Variants in GRIK4 observed in about 807,000 individuals in gnomAD.
GRIK4 encodes the protein glutamate receptor ionotropic, kainate 4.
A neutral mutation model predicts 104.9 loss-of-function variants in GRIK4; 40 were observed. The ratio of observed to expected loss-of-function variants is 0.38; its 90% CI spans 0.30 to 0.50. The LOEUF (loss-of-function observed/expected upper bound fraction) is 0.50, where lower values mean the gene tolerates loss of function less well. Ranked by LOEUF, GRIK4 falls within the 20% of genes least tolerant of loss-of-function variation. The pLI is 0.93. For synonymous variants in GRIK4, 485 were observed against 524.9 expected, an observed-to-expected ratio of 0.92 and a Z score of 1.04; for missense variants, 1,047 against 1,308.1, an observed-to-expected ratio of 0.80 and a Z score of 3.08.
rs1955072213 is a variant in GRIK4 at position 120,884,830 on chromosome 11, T to C, written c.1164+9587T>C. Among the ~76,000 whole-genome samples, 3 of 152,388 alleles carry C rather than the reference T, an allele frequency of 2.0e-5. 1 individual carries two copies. In the South Asian group the frequency reaches 6.2e-4, roughly 32 times the overall value. On this transcript the variant is annotated intron_variant, in intron 11 of 20. Transcript: ENST00000527524. ...TGCTAGCTGCCTGCTGTGAGCCAGC[T>C]TCCAGCTAGGGGCAGAGCCGGGCCA...
intron 1 of GRIK4, among the ~76,000 whole-genome samples, chr11:120,634,926 C>T (rs77775173): frequency 0.032 from 4,924 of 152,272 alleles, 153 homozygotes; most frequent in African/African-American, 0.081. Context: ...AAGCGAGATG[C>T]GAACGTCCCC....
chr11:120,719,775 G>A (rs1265990858), intron 3 of GRIK4, among the ~76,000 whole-genome samples: 1 of 152,130 alleles, frequency 6.6e-6, no homozygotes, highest in Non-Finnish European at 1.5e-5. Context: ...AAAATAGAAA[G>A]CTAAGCAACA....
chr11:120,604,252 C>T (rs540191066), intron 1 of GRIK4, among the ~76,000 whole-genome samples: 1 of 151,600 alleles, frequency 6.6e-6, no homozygotes, highest in East Asian at 1.9e-4. Context: ...GTGCACAGGG[C>T]AGCCCTGCCA....
intron 11 of GRIK4, among the ~76,000 whole-genome samples, chr11:120,879,140 G>A (rs1384932419): frequency 6.6e-6 from 1 of 152,206 alleles, no homozygotes; most frequent in Admixed American, 6.5e-5. Flanking sequence ...AGACAGAGCT[G>A]GAATTTATGC....
chr11:120,841,612 A>G (rs547223034), intron 8 of GRIK4, among the ~76,000 whole-genome samples: 5 of 152,130 alleles, frequency 3.3e-5, no homozygotes, highest in South Asian at 2.1e-4. Context: ...CCTGCTTTCA[A>G]TCCTTTTGTG....
intron 4 of GRIK4, among the ~76,000 whole-genome samples, chr11:120,811,851 A>G (rs1484006521): frequency 1.3e-5 from 2 of 152,078 alleles, no homozygotes; most frequent in Non-Finnish European, 2.9e-5. Flanking sequence ...GTTTATTTCC[A>G]GTTTTGCATG....
At chr11:120,604,121 G>A (rs575322588) in intron 1 of GRIK4, among the ~76,000 whole-genome samples, 2 of 143,548 alleles carry the variant, frequency 1.4e-5, no homozygotes, top group African/African-American at 2.6e-5. Context: ...GCAGTGAGCC[G>A]AGATCGCGCC....
At chr11:120,871,623 A>T (rs922345590) in intron 9 of GRIK4, 4 of 456,126 alleles carry the variant, frequency 8.8e-6, no homozygotes, top group African/African-American at 6.0e-5. Flanking sequence ...ACAGGAAGGG[A>T]GTTGGAGCAG....
At chr11:120,847,513 A>G (rs1953878825) in intron 8 of GRIK4, among the ~76,000 whole-genome samples, 1 of 152,184 alleles carries the variant, frequency 6.6e-6, no homozygotes, top group Non-Finnish European at 1.5e-5. Flanking sequence ...GGCCTTGGAG[A>G]ATCAATGGGA....
At chr11:120,561,939 A>G (rs913603450) in intron 1 of GRIK4, among the ~76,000 whole-genome samples, 1 of 152,256 alleles carries the variant, frequency 6.6e-6, no homozygotes, top group Non-Finnish European at 1.5e-5. Context: ...AAGGCAAAGA[A>G]TATCCAGGAG....
chr11:120,960,940 T>C lies in GRIK4; in HGVS notation c.1906T>C (p.Tyr636His). Residue 636 changes from tyrosine to histidine, a missense_variant, in exon 17 of 21, where the codon TAC becomes CAC. Transcript: ENST00000527524. ...ATTCACGCTGATCATCATCTCATCCTACACGGCCAACCTGGCAGCCTTCCT... is the reference window on the plus strand; with the variant it reads ...ATTCACGCTGATCATCATCTCATCCCACACGGCCAACCTGGCAGCCTTCCT... ...WAFTLIIISS[Y>H]TANLAAFLTV... 1 of 1,614,020 alleles carries C rather than the reference T, an allele frequency of 6.2e-7. No individual in the cohort carries two copies. The highest frequency in any genetic ancestry group is 8.5e-7 in the Non-Finnish European group (1 of 1,179,988).
intron 3 of GRIK4, among the ~76,000 whole-genome samples, chr11:120,671,319 A>G (rs10790390): frequency 0.16 from 24,908 of 152,146 alleles, 2,278 homozygotes; most frequent in South Asian, 0.23. Context: ...ACTCCCACCA[A>G]CAGTGTAAAA....
In GRIK4 at chr11:120,830,253, C is replaced by T. The variant is rs147434865; in HGVS notation, c.512-1599C>T. Reference sequence around the variant, plus strand: ...CTTCCCTCTCCTAATCCCTGAGACACGTGTCTCTGGACCTTCCCAGGCACT... The same window carrying T: ...CTTCCCTCTCCTAATCCCTGAGACATGTGTCTCTGGACCTTCCCAGGCACT... On this transcript the variant is annotated intron_variant, in intron 6 of 20. Coordinates refer to ENST00000527524, the MANE Select transcript of GRIK4 (RefSeq NM_014619.5). Among the ~76,000 whole-genome samples the T allele has an allele frequency of 4.0e-5, 6 of 151,786 alleles. No individual in the cohort carries two copies. In the East Asian group the frequency reaches 5.8e-4, roughly 15 times the overall value.
intron 1 of GRIK4, among the ~76,000 whole-genome samples, chr11:120,538,971 G>A (rs1035600700): frequency 6.6e-6 from 1 of 152,222 alleles, no homozygotes; most frequent in Non-Finnish European, 1.5e-5. Context: ...GGGAAATTCT[G>A]TATGAGAGAA....
chr11:120,920,528 C>T (rs941688420), intron 13 of GRIK4, among the ~76,000 whole-genome samples: 3 of 152,184 alleles, frequency 2.0e-5, no homozygotes, highest in Non-Finnish European at 4.4e-5. Flanking sequence ...ACACAGAGTG[C>T]ACATGTGTCC....
rs539016098 is a variant in GRIK4 at position 120,903,953 on chromosome 11, A to G, written c.1273-1337A>G. On this transcript the variant is annotated intron_variant, in intron 12 of 20. Transcript: ENST00000527524. The surrounding 1 kb of genome is among the most constrained non-coding windows in gnomAD (Gnocchi z 4.4). ...AATGGTGGGAGTGGCTACATCCTCT[A>G]TCTTCCAATTTCCTCCTCCTTGACG... Among the ~76,000 whole-genome samples the G allele has an allele frequency of 2.0e-5, 3 of 152,110 alleles. No individual in the cohort carries two copies. The highest frequency in any genetic ancestry group is 2.4e-5 in the African/African-American group (1 of 41,502).
chr11:120,535,529 GC>G (rs1402304059), intron 1 of GRIK4, among the ~76,000 whole-genome samples: 1 of 152,102 alleles, frequency 6.6e-6, no homozygotes, highest in Non-Finnish European at 1.5e-5. Flanking sequence ...TTGTGGAACA[GC>G]CTAGAAGTGG....
chr11:120,631,558 C>T (rs541678545), intron 1 of GRIK4, among the ~76,000 whole-genome samples: 2 of 152,226 alleles, frequency 1.3e-5, no homozygotes, highest in African/African-American at 4.8e-5. Flanking sequence ...CTCCCTCTGC[C>T]CCCAGGACAG....
Position 120,555,202 on chromosome 11 carries a change from C to T in GRIK4, c.-159+43315C>T, listed in dbSNP as rs569598119. Among the ~76,000 whole-genome samples the T allele has an allele frequency of 8.5e-5, 13 of 152,318 alleles. No individual in the cohort carries two copies. The South Asian group carries it at 2.3e-3, about 27-fold the overall frequency. On this transcript the variant is annotated intron_variant, in intron 1 of 20. Coordinates refer to ENST00000527524, the MANE Select transcript of GRIK4 (RefSeq NM_014619.5). This position sits in a 1 kb window ranked among gnomAD's most constrained non-coding sequence, Gnocchi z 5.3. ...CAGGCTTAACTCCTGCAAATGGAGG[C>T]GGCATGCCCCAGAGAGCCCTATGCT...
Sources: gnomAD v4.1 joint callset for allele counts (sites outside exome capture counted in the v4.1 genomes callset) on GRCh38, gnomAD v4.1.1 for gene constraint, Gnocchi (gnomAD v3.1) non-coding constraint, MANE v1.5 for transcripts, NCBI Gene and HGNC (gene_info 2026-07-23, HGNC 2026-07-21) for gene names.